CCDC30: variants seen among roughly 807,000 people sequenced by gnomAD.
CCDC30 encodes the protein coiled-coil domain containing 30, also known as coiled-coil domain-containing protein 30.
Under a neutral mutation model 100.2 loss-of-function variants are expected in CCDC30, and 70 were observed. The observed-to-expected ratio is 0.70, with a 90% CI of 0.58 to 0.85. CCDC30 has a LOEUF of 0.85. CCDC30 is among the 40% of genes least tolerant of loss of function. The pLI is 0.00. For missense variants in CCDC30, 652 were observed against 771.2 expected (o/e 0.85, Z 1.83); for synonymous variants, 233 against 269.5 (o/e 0.86, Z 1.33).
intron 6 of CCDC30, among the ~76,000 whole-genome samples, chr1:42,533,566 TG>T (rs1644842243): frequency 6.6e-6 from 1 of 152,188 alleles, no homozygotes; most frequent in Non-Finnish European, 1.5e-5. Flanking sequence ...TAACAACTCT[TG>T]GGGCAACTTA....
intron 6 of CCDC30, among the ~76,000 whole-genome samples, chr1:42,554,452 AT>A: frequency 6.6e-6 from 1 of 151,686 alleles, no homozygotes; most frequent in Non-Finnish European, 1.5e-5. Flanking sequence ...TAATTTTTGT[AT>A]TTTTAGTAGA....
chr1:42,619,875 A>G (rs1033293215), intron 11 of CCDC30, among the ~76,000 whole-genome samples: 16 of 152,206 alleles, frequency 1.1e-4, no homozygotes, highest in Admixed American at 6.5e-5. Context: ...GTATCCTGAA[A>G]TATATCAAGG....
exon 5 of CCDC30, chr1:42,497,098 A>G: frequency 8.1e-7 from 1 of 1,230,330 alleles, no homozygotes; most frequent in Non-Finnish European, 1.0e-6. Context: ...TCTGTTTTAG[A>G]TGCAGCTGAC....
intron 6 of CCDC30, among the ~76,000 whole-genome samples, chr1:42,557,016 C>T (rs1398250328): frequency 6.6e-6 from 1 of 152,120 alleles, no homozygotes; most frequent in African/African-American, 2.4e-5. Flanking sequence ...GTGACTATAG[C>T]CACATTTTGG....
At chr1:42,496,893 T>C (rs1644240701) in intron 4 of CCDC30, among the ~76,000 whole-genome samples, 1 of 152,204 alleles carries the variant, frequency 6.6e-6, no homozygotes, top group African/African-American at 2.4e-5. Context: ...CTTTCTCTGT[T>C]ATTTCTTTGG....
chr1:42,484,709 G>A (rs1644022097), intron 3 of CCDC30, among the ~76,000 whole-genome samples: 1 of 152,046 alleles, frequency 6.6e-6, no homozygotes, highest in South Asian at 2.1e-4. Context: ...GTATTAGCTT[G>A]TTTCTTTCAA....
chr1:42,653,743 C>A lies in CCDC30; in HGVS notation c.1923-75C>A. On this transcript the variant is annotated intron_variant, in intron 16 of 16. Transcript: ENST00000668663. ...GCAAAAAATTGAAATTCTATCAATGCCTGTATCCCTGTAACCCCGAACTGC... is the reference window on the plus strand; with the variant it reads ...GCAAAAAATTGAAATTCTATCAATGACTGTATCCCTGTAACCCCGAACTGC... 3 of 1,038,846 alleles carry A rather than the reference C, an allele frequency of 2.9e-6. No homozygotes were observed. The South Asian group carries it at 4.4e-5, about 15-fold the overall frequency. The allele number at this position is 1,038,846 out of a possible 1,614,324, so 64.4% of individuals were successfully genotyped here. A position where few individuals can be genotyped will look rare whatever the true frequency, so the allele number is the denominator to read the frequency against.
chr1:42,548,756 A>G (rs1341062881), intron 6 of CCDC30, among the ~76,000 whole-genome samples: 2 of 152,128 alleles, frequency 1.3e-5, no homozygotes, highest in Admixed American at 6.5e-5. Flanking sequence ...TCTCTATGGG[A>G]CTTGCAATCT....
chr1:42,573,605 C>T (rs1051841734), intron 7 of CCDC30, among the ~76,000 whole-genome samples: 4 of 152,008 alleles, frequency 2.6e-5, no homozygotes, highest in Non-Finnish European at 4.4e-5. Context: ...TGTTTACTGG[C>T]TACCACAGTG....
chr1:42,463,289 A>T (rs1419605256), upstream of CCDC30: 4 of 152,196 alleles, frequency 2.6e-5, no homozygotes, highest in African/African-American at 9.6e-5. Context: ...CGCGGTTGCT[A>T]TGACGCCCAG....
chr1:42,654,520 C>G (rs1648594498), downstream of CCDC30: 1 of 153,528 alleles, frequency 6.5e-6, no homozygotes, highest in Non-Finnish European at 1.4e-5. Context: ...AACCCTGTCT[C>G]TACTAAAAAT....
At chr1:42,637,450 A>G (rs781731111) in intron 12 of CCDC30, 72 bp downstream of exon 16, 19 of 1,439,358 alleles carry the variant, frequency 1.3e-5, no homozygotes, top group Non-Finnish European at 1.8e-5. Flanking sequence ...AAGCCTTTTC[A>G]TTTTAAAAAT....
intron 11 of CCDC30, among the ~76,000 whole-genome samples, chr1:42,619,708 C>G (rs1263563774): frequency 6.6e-6 from 1 of 152,118 alleles, no homozygotes; most frequent in Non-Finnish European, 1.5e-5. Context: ...TTCAGACTCT[C>G]AGTGAATCTT....
At chr1:42,471,560 G>A (rs1643771103) in intron 1 of CCDC30, among the ~76,000 whole-genome samples, 1 of 152,128 alleles carries the variant, frequency 6.6e-6, no homozygotes, top group Non-Finnish European at 1.5e-5. Context: ...CTCATAGGAT[G>A]CTATGTATTC....
chr1:42,476,448 TG>T (rs1184189571), intron 1 of CCDC30, among the ~76,000 whole-genome samples: 3 of 152,212 alleles, frequency 2.0e-5, no homozygotes, highest in Admixed American at 2.0e-4. Flanking sequence ...GCCAGCACTT[TG>T]GGAGACTGAG....
chr1:42,461,188 G>GTCTGATAATAGAAGTA (rs1643401608), upstream of CCDC30, among the ~76,000 whole-genome samples: 1 of 152,198 alleles, frequency 6.6e-6, no homozygotes, highest in Non-Finnish European at 1.5e-5. Flanking sequence ...CCCTGTGTCT[G>GTCTGATAATAGAAGTA]TCTGATAATA....
chr1:42,569,634 C>A (rs977726463), intron 7 of CCDC30, among the ~76,000 whole-genome samples: 1 of 152,118 alleles, frequency 6.6e-6, no homozygotes, highest in East Asian at 1.9e-4. Context: ...GGCTATACAG[C>A]CAAAGGATTA....
At chr1:42,585,102 C>T (rs1191304387) in intron 9 of CCDC30, among the ~76,000 whole-genome samples, 1 of 152,032 alleles carries the variant, frequency 6.6e-6, no homozygotes, top group African/African-American at 2.4e-5. Context: ...TCTATTTCTC[C>T]TTGTGTGAGC....
At position 42,495,168 on chromosome 1, in the gene CCDC30, A is replaced by G. The variant is rs569322127; in HGVS notation, c.242-1930A>G. Among the ~76,000 whole-genome samples the G allele has an allele frequency of 1.1e-3, 167 of 151,372 alleles. 1 individual carries two copies. The highest frequency in any genetic ancestry group is 3.8e-3 in the African/African-American group (155 of 41,270). ...TGGCACATGTACACCATGGAATACTATGCAGCCATAAAAAATGATGAGTTC... is the reference window on the plus strand; with the variant it reads ...TGGCACATGTACACCATGGAATACTGTGCAGCCATAAAAAATGATGAGTTC... On this transcript the variant is annotated intron_variant, in intron 4 of 16. Transcript: ENST00000668663.
Sources: gnomAD v4.1 joint callset for allele counts (sites outside exome capture counted in the v4.1 genomes callset) on GRCh38, gnomAD v4.1.1 for gene constraint, MANE v1.5 for transcripts, NCBI Gene and HGNC (gene_info 2026-07-23, HGNC 2026-07-21) for gene names.